PDZD2: variants seen among roughly 807,000 people sequenced by gnomAD.
PDZD2 encodes the protein PDZ domain-containing protein 2.
Under a neutral mutation model 220.7 loss-of-function variants are expected in PDZD2, and 90 were observed. That is an observed-to-expected ratio of 0.41 (90% CI 0.34 to 0.49). The LOEUF (loss-of-function observed/expected upper bound fraction) is 0.49. PDZD2 is among the 20% of genes least tolerant of loss of function. The probability of loss-of-function intolerance (pLI) is 0.28; values close to 1 mark genes in which losing one functional copy is unlikely to be tolerated. For synonymous variants in PDZD2, 1,375 were observed against 1,450.5 expected (o/e 0.95, Z 1.18); for missense variants, 3,174 against 3,608.5 (o/e 0.88, Z 3.08).
chr5:32,087,690 C>T lies in PDZD2; in HGVS notation c.4242C>T (p.Cys1414=). Residue 1414 remains cysteine, a synonymous_variant, in exon 20 of 25, where the codon TGC becomes TGT. Transcript: ENST00000438447. The surrounding 1 kb of genome is among the most constrained non-coding windows in gnomAD (Gnocchi z 4.0). ...KEACGHVSGH[C]CPGGSRESPV... ...CATGTGGCCATGTCTCGGGGCACTG[C>T]TGCCCAGGGGGGAGTAGAGAGAGCC... The T allele has an allele frequency of 6.2e-7, 1 of 1,614,034 alleles. No individual in the cohort carries two copies. Among genetic ancestry groups the T allele is most frequent in the African/African-American group, 1.3e-5 (1 of 75,068 alleles).
At chr5:31,709,426 A>G (rs4867376) in intron 1 of PDZD2, among the ~76,000 whole-genome samples, 80,303 of 150,996 alleles carry the variant, frequency 0.53, 21,662 homozygotes, top group African/African-American at 0.62. Flanking sequence ...GGTCAAGGCT[A>G]CAGTGAGCCT....
Position 32,036,798 on chromosome 5 carries a change from G to A in PDZD2, c.1408-433G>A, listed in dbSNP as rs916458681. Among the ~76,000 whole-genome samples the A allele has an allele frequency of 1.4e-4, 22 of 152,228 alleles. 1 individual carries two copies. The highest frequency in any genetic ancestry group is 8.8e-5 in the Non-Finnish European group (6 of 68,044). ...GGTTTGAATTTCTGGTTTAATATTT[G>A]TTGCAACTTGCATTGTGGGAAAAAG... On this transcript the variant is annotated intron_variant, in intron 6 of 24. Coordinates refer to ENST00000438447, the MANE Select transcript of PDZD2 (RefSeq NM_178140.4).
chr5:31,998,617 T>C (rs1274657574), intron 4 of PDZD2, among the ~76,000 whole-genome samples: 1 of 152,236 alleles, frequency 6.6e-6, no homozygotes, highest in Non-Finnish European at 1.5e-5. Flanking sequence ...TAGGTGCTGA[T>C]GTGAACCTTT....
intron 1 of PDZD2, among the ~76,000 whole-genome samples, chr5:31,716,622 G>A (rs549942131): frequency 4.6e-5 from 7 of 152,142 alleles, no homozygotes; most frequent in Non-Finnish European, 8.8e-5. Flanking sequence ...GGCCAACATG[G>A]TGAAACCCTG....
rs371895164 is a variant in PDZD2 at position 32,074,001 on chromosome 5, C to T, written c.2895C>T (p.Tyr965=). ...PLLRQRKVGC[Y]DANDASDEEE... ...TCCGCCAGAGGAAGGTAGGCTGCTACGATGCCAACGATGCCAGTGATGAGG... is the reference window on the plus strand; with the variant it reads ...TCCGCCAGAGGAAGGTAGGCTGCTATGATGCCAACGATGCCAGTGATGAGG... The change falls in exon 18 of 25, where the codon TAC becomes TAT. Residue 965 remains tyrosine (Y), a synonymous_variant. Transcript: ENST00000438447. The T allele has an allele frequency of 8.7e-6, 14 of 1,614,030 alleles. No homozygotes were observed. Among genetic ancestry groups the T allele is most frequent in the East Asian group, 6.7e-5 (3 of 44,890 alleles).
intron 1 of PDZD2, among the ~76,000 whole-genome samples, chr5:31,719,702 A>G (rs974837480): frequency 6.6e-6 from 1 of 152,218 alleles, no homozygotes; most frequent in Non-Finnish European, 1.5e-5. Context: ...AAGAAAGAGG[A>G]CTTGAGAAGC....
intron 1 of PDZD2, among the ~76,000 whole-genome samples, chr5:31,692,516 C>T (rs967046196): frequency 1.3e-5 from 2 of 152,256 alleles, no homozygotes; most frequent in African/African-American, 4.8e-5. Context: ...TGCCAGCAGG[C>T]TGTCACCTCT....
intron 1 of PDZD2, among the ~76,000 whole-genome samples, chr5:31,652,283 G>T (rs1013429208): frequency 6.6e-6 from 1 of 152,060 alleles, no homozygotes; most frequent in Non-Finnish European, 1.5e-5. Context: ...GTGAGCCACC[G>T]CCCTGGGTCT....
At chr5:32,069,506 T>C in intron 14 of PDZD2, 63 bp from the exon 15 acceptor site, 2 of 926,510 alleles carry the variant, frequency 2.2e-6, no homozygotes. Context: ...TGGTCCTAGG[T>C]ACTTTCATTG....
intron 19 of PDZD2, among the ~76,000 whole-genome samples, chr5:32,079,457 A>G (rs993525860): frequency 1.3e-5 from 2 of 151,522 alleles, no homozygotes; most frequent in Non-Finnish European, 2.9e-5. Context: ...ATTGGTTAGC[A>G]AACTACGGTG....
intron 2 of PDZD2, among the ~76,000 whole-genome samples, chr5:31,873,533 T>TTTTATTTATTTATTTA: frequency 6.9e-6 from 1 of 144,082 alleles, no homozygotes; most frequent in East Asian, 2.0e-4. Flanking sequence ...TGAAAATTCT[T>TTTTATTTATTTATTTA]TTTATTTATT....
At chr5:31,774,792 G>C (rs553909998) in intron 1 of PDZD2, among the ~76,000 whole-genome samples, 6 of 151,892 alleles carry the variant, frequency 4.0e-5, no homozygotes, top group Non-Finnish European at 7.4e-5. Context: ...GTGTTTTAAT[G>C]TTTTAGCTAT....
chr5:32,018,660 G>A (rs1214415998), intron 6 of PDZD2, among the ~76,000 whole-genome samples: 1 of 152,230 alleles, frequency 6.6e-6, no homozygotes, highest in East Asian at 1.9e-4. Flanking sequence ...TCCCTGAGTT[G>A]TGCATTTTCT....
intron 1 of PDZD2, among the ~76,000 whole-genome samples, chr5:31,741,580 C>T (rs1441559988): frequency 1.3e-5 from 2 of 152,158 alleles, no homozygotes; most frequent in African/African-American, 4.8e-5. Context: ...AAACTTCCCT[C>T]TCTTACTAGC....
intron 2 of PDZD2, among the ~76,000 whole-genome samples, chr5:31,948,971 C>T (rs550284535): frequency 2.0e-4 from 31 of 151,752 alleles, no homozygotes; most frequent in Admixed American, 9.8e-4. Flanking sequence ...TAGTGGCAAG[C>T]GCCTGTAATC....
chr5:32,048,169 T>A (rs1295084391), intron 7 of PDZD2, among the ~76,000 whole-genome samples: 1 of 152,206 alleles, frequency 6.6e-6, no homozygotes, highest in African/African-American at 2.4e-5. Context: ...GCACCAACAA[T>A]GAAACTATAC....
chr5:31,873,760 C>T (rs1033350701), intron 2 of PDZD2, among the ~76,000 whole-genome samples: 7 of 147,208 alleles, frequency 4.8e-5, no homozygotes, highest in South Asian at 2.2e-4. Context: ...GACAGAGTTC[C>T]GCTCTTGTTG....
chr5:31,651,863 G>A (rs1336684171), intron 1 of PDZD2, among the ~76,000 whole-genome samples: 1 of 147,648 alleles, frequency 6.8e-6, no homozygotes, highest in African/African-American at 2.5e-5. Context: ...TGTCACCCAG[G>A]CTGGAGTGTA....
intron 6 of PDZD2, among the ~76,000 whole-genome samples, chr5:32,026,760 C>T (rs1754699465): frequency 6.6e-6 from 1 of 152,164 alleles, no homozygotes; most frequent in South Asian, 2.1e-4. Flanking sequence ...GTCATGGGAC[C>T]ATGGCAAGAG....
Sources: gnomAD v4.1 joint callset for allele counts (sites outside exome capture counted in the v4.1 genomes callset) on GRCh38, gnomAD v4.1.1 for gene constraint, Gnocchi (gnomAD v3.1) non-coding constraint, MANE v1.5 for transcripts, NCBI Gene and HGNC (gene_info 2026-07-23, HGNC 2026-07-21) for gene names.